Variants in TOP2B observed in about 807,000 individuals in gnomAD.
TOP2B encodes DNA topoisomerase II beta.
A neutral mutation model predicts 193.5 loss-of-function variants in TOP2B; 51 were observed. The ratio of observed to expected loss-of-function variants is 0.26; its 90% confidence interval spans 0.21 to 0.33. The LOEUF (loss-of-function observed/expected upper bound fraction) is 0.33, where lower values mean the gene tolerates loss of function less well. Ranked by LOEUF, TOP2B falls within the 10% of genes least tolerant of loss-of-function variation. TOP2B has a pLI of 1.00. For missense variants in TOP2B, 1,378 were observed against 1,909.3 expected (o/e 0.72, Z 5.19); for synonymous variants, 634 against 635.7 (o/e 1.00, Z 0.04).
chr3:25,632,970 T>A (rs566354764), intron 8 of TOP2B, among the ~76,000 whole-genome samples, 176 bp from the exon 9 acceptor site: 1 of 152,220 alleles, frequency 6.6e-6, no homozygotes, highest in Non-Finnish European at 1.5e-5. Context: ...CCGCTGTGTT[T>A]TTTTTGTTTG....
chr3:25,637,102 A>G (rs74575259), intron 6 of TOP2B, 113 bp downstream of exon 6: 8 of 677,642 alleles, frequency 1.2e-5, no homozygotes, highest in Non-Finnish European at 1.4e-5. Context: ...AATGCTTTGG[A>G]AAAAAAAAAT....
intron 1 of TOP2B, among the ~76,000 whole-genome samples, chr3:25,649,379 T>C (rs1322944004): frequency 1.3e-5 from 2 of 152,016 alleles, no homozygotes; most frequent in Admixed American, 6.5e-5. Flanking sequence ...TAAATGCATA[T>C]ACAAATTAAA....
intron 25 of TOP2B, among the ~76,000 whole-genome samples, chr3:25,617,837 T>C (rs1702544615): frequency 6.6e-6 from 1 of 152,230 alleles, no homozygotes; most frequent in Non-Finnish European, 1.5e-5. Flanking sequence ...ATTACTATTT[T>C]GTGATCTGCA....
chr3:25,632,357 A>G, intron 10 of TOP2B, 89 bp downstream of exon 10: 1 of 1,177,006 alleles, frequency 8.5e-7, no homozygotes, highest in Non-Finnish European at 1.2e-6. Context: ...TAATACGATG[A>G]AAGAAACTAA....
intron 12 of TOP2B, 30 bp from the exon 13 acceptor site, chr3:25,630,184 G>T (rs114586592): frequency 1.3e-6 from 2 of 1,530,620 alleles, no homozygotes; most frequent in East Asian, 4.9e-5. Context: ...ACTGAGAGTA[G>T]TTTGAAGTGT....
Position 25,636,027 on chromosome 3 carries a change from T to A in TOP2B, c.761A>T (p.Lys254Met), listed in dbSNP as rs1015927365. 10 of 1,613,384 alleles carry A rather than the reference T, an allele frequency of 6.2e-6. No homozygotes were observed. The highest frequency in any genetic ancestry group is 8.5e-6 in the Non-Finnish European group (10 of 1,179,556). Residue 254 changes from lysine (K) to methionine (M), a missense_variant, in exon 7 of 36, where the codon AAG becomes ATG. Physicochemically the swap from Lys to Met is moderately conservative, Grantham distance 95. Around this residue, in one of 9 missense-constraint regions of TOP2B, gnomAD observed 222 missense variants for 306.6 expected, o/e 0.72. Transcript: ENST00000264331. ...TCTAGTCATGAGGGCCACAATATCC[T>A]TGTCAAGTTTTTCCATCTTAAATTT... ...LSKFKMEKLD[K>M]DIVALMTRRA...
At chr3:25,623,880 T>C in intron 20 of TOP2B, 134 bp from the exon 21 acceptor site, 1 of 650,316 alleles carries the variant, frequency 1.5e-6, no homozygotes. Flanking sequence ...TTTGATTACA[T>C]CCGCTTAATA....
At chr3:25,637,503 A>G (rs1017346599) in intron 5 of TOP2B, among the ~76,000 whole-genome samples, 191 bp from the exon 6 acceptor site, 1 of 152,066 alleles carries the variant, frequency 6.6e-6, no homozygotes, top group African/African-American at 2.4e-5. Context: ...TTTAGTATAT[A>G]TAGTAGTGTA....
At chr3:25,598,632 A>AGTT (rs941822641) in intron 35 of TOP2B, among the ~76,000 whole-genome samples, 155 bp from the exon 36 acceptor site, 5 of 152,228 alleles carry the variant, frequency 3.3e-5, no homozygotes, top group African/African-American at 1.2e-4. Context: ...GTGTAAGACC[A>AGTT]GTTATCTTAT....
chr3:25,662,819 A>G (rs774626631), intron 1 of TOP2B, among the ~76,000 whole-genome samples: 1 of 152,268 alleles, frequency 6.6e-6, no homozygotes, highest in Non-Finnish European at 1.5e-5. Flanking sequence ...ACTTCCAAAT[A>G]GTGAATGAGA....
Position 25,624,730 on chromosome 3 carries a change from G to C in TOP2B, c.2298C>G (p.Ala766=). The change falls in exon 19 of 36, where the codon GCC becomes GCG. Residue 766 remains alanine, a synonymous_variant. Coordinates refer to ENST00000264331, the MANE Select transcript of TOP2B (RefSeq NM_001330700.2). ...TCTCAGCAACAGAGCCAGCCAACTGGGCAACTTTTACTTCACGTTTATCAT... is the reference window on the plus strand; with the variant it reads ...TCTCAGCAACAGAGCCAGCCAACTGCGCAACTTTTACTTCACGTTTATCAT... The part of the protein sequence containing the change: ...KRNDKREVKV[A]QLAGSVAEMS... The C allele has an allele frequency of 1.2e-6, 2 of 1,613,652 alleles. No individual in the cohort carries two copies. The highest frequency in any genetic ancestry group is 2.2e-5 in the South Asian group (2 of 91,060).
intron 31 of TOP2B, among the ~76,000 whole-genome samples, chr3:25,606,414 T>A: frequency 6.6e-6 from 1 of 152,130 alleles, no homozygotes; most frequent in Non-Finnish European, 1.5e-5. Flanking sequence ...TGGTTTAAAG[T>A]TATTCAAAAT....
intron 1 of TOP2B, among the ~76,000 whole-genome samples, chr3:25,658,071 A>AT (rs1188692089): frequency 7.8e-6 from 1 of 128,690 alleles, no homozygotes; most frequent in African/African-American, 2.9e-5. Context: ...AAAAAAAAAA[A>AT]AAAAAAATTA....
intron 6 of TOP2B, 63 bp from the exon 7 acceptor site, chr3:25,636,211 T>C: frequency 1.0e-6 from 1 of 992,606 alleles, no homozygotes; most frequent in Non-Finnish European, 1.5e-6. Context: ...ATATAAAGAC[T>C]ACACTCATTA....
rs1702195037 is a variant in TOP2B at position 25,604,810 on chromosome 3, C to T, written c.4439G>A (p.Gly1480Asp). 3 of 1,612,802 alleles carry T rather than the reference C, an allele frequency of 1.9e-6. No individual in the cohort carries two copies. In the Admixed American group the frequency reaches 5.0e-5, roughly 27 times the overall value. ...TGGAACTTTATCTGTCTGTTTCAGA[C>T]CAAATGATGGTGAAAAAACAGAAGC... Reference protein sequence around the residue: ...DSASVFSPSFGLKQTDKVPSK... With the variant: ...DSASVFSPSFDLKQTDKVPSK... Residue 1480 changes from glycine (G) to aspartate (D), a missense_variant, in exon 33 of 36, where the codon GGT (glycine) becomes GAT (aspartate). Coordinates refer to ENST00000264331, the MANE Select transcript of TOP2B (RefSeq NM_001330700.2).
chr3:25,607,085 C>A, intron 31 of TOP2B, 86 bp downstream of exon 31: 1 of 1,508,216 alleles, frequency 6.6e-7, no homozygotes, highest in Non-Finnish European at 8.9e-7. Context: ...AGAATGATAA[C>A]AATTTCTTAG....
chr3:25,642,255 G>A (rs1703285431), intron 4 of TOP2B, 67 bp downstream of exon 4: 2 of 883,492 alleles, frequency 2.3e-6, no homozygotes, highest in Non-Finnish European at 3.6e-6. Flanking sequence ...TATTTGAGGA[G>A]TACTCATAAA....
intron 22 of TOP2B, 25 bp downstream of exon 22, chr3:25,620,657 A>G (rs1332045629): frequency 4.4e-6 from 7 of 1,603,906 alleles, no homozygotes; most frequent in Non-Finnish European, 6.0e-6. Flanking sequence ...CCCTTCCCTC[A>G]GGCAGATCAC....
At position 25,630,068 on chromosome 3, in the gene TOP2B, T is replaced by C. The variant is rs767971075; in HGVS notation, c.1650A>G (p.Lys550=). 8.7e-6 allele frequency: 14 copies of C among 1,609,124 alleles called. No homozygotes were observed. Among genetic ancestry groups the C allele is most frequent in the Non-Finnish European group, 1.2e-5 (14 of 1,177,748 alleles). ...TCATAATCTTTCCATAGCGTAAGGT[T>C]TTCAGAGATTCTGCATCATCGTAAC... ...KKSYDDAESL[K]TLRYGKIMIM... is the part of the protein sequence containing the mutation. The change falls in exon 13 of 36, where the codon AAA becomes AAG. Residue 550 remains lysine (K), a synonymous_variant. Coordinates refer to ENST00000264331, the MANE Select transcript of TOP2B (RefSeq NM_001330700.2).
Sources: gnomAD v4.1 joint callset for allele counts (sites outside exome capture counted in the v4.1 genomes callset) on GRCh38, gnomAD v4.1.1 for gene constraint, gnomAD v4.1.1 regional missense constraint, MANE v1.5 for transcripts, NCBI Gene and HGNC (gene_info 2026-07-23, HGNC 2026-07-21) for gene names.